Variants in DSCAM observed in about 807,000 individuals in gnomAD.
DSCAM encodes DS cell adhesion molecule.
DSCAM carries 47 observed loss-of-function variants against 217.7 expected under a neutral mutation model. The ratio of observed to expected loss-of-function variants is 0.22; its 90% CI spans 0.17 to 0.28. DSCAM has a LOEUF of 0.28. Among genes scored for constraint, DSCAM ranks in the 10% least tolerant of loss-of-function variants. The pLI, the probability that DSCAM is intolerant of heterozygous loss-of-function variation, is 1.00. For missense variants in DSCAM, 2,080 were observed against 2,618.3 expected (o/e 0.79, Z 4.49); for synonymous variants, 1,056 against 1,015.3 (o/e 1.04, Z -0.76).
intron 16 of DSCAM, 86 bp downstream of exon 16, chr21:40,167,132 G>T (rs2090603827): frequency 1.7e-6 from 2 of 1,178,806 alleles, no homozygotes; most frequent in Admixed American, 4.8e-5. Context: ...TAAAATTCGA[G>T]AGTCTTGGTG....
chr21:40,725,964 C>T (rs551345725), intron 1 of DSCAM, among the ~76,000 whole-genome samples: 69 of 152,198 alleles, frequency 4.5e-4, no homozygotes, highest in African/African-American at 1.6e-3. Context: ...AGGTTGCAAA[C>T]TCAGAAAGAA....
intron 16 of DSCAM, among the ~76,000 whole-genome samples, chr21:40,163,490 G>A (rs1187145730): frequency 3.9e-5 from 6 of 152,038 alleles, no homozygotes; most frequent in Non-Finnish European, 7.4e-5. Context: ...TTGGATTTCT[G>A]TCAAGGCATG....
At chr21:40,274,916 TACAC>T (rs1375392686) in intron 11 of DSCAM, among the ~76,000 whole-genome samples, 1 of 152,178 alleles carries the variant, frequency 6.6e-6, no homozygotes, top group African/African-American at 2.4e-5. Flanking sequence ...TTCAATATCA[TACAC>T]ACACAAATAC....
At chr21:40,199,045 C>G (rs2091044054) in intron 11 of DSCAM, among the ~76,000 whole-genome samples, 1 of 152,106 alleles carries the variant, frequency 6.6e-6, no homozygotes, top group Admixed American at 6.6e-5. Flanking sequence ...GAGGAGAGGG[C>G]AGTCTCTTGG....
intron 9 of DSCAM, among the ~76,000 whole-genome samples, chr21:40,304,940 G>A (rs924368991): frequency 7.2e-5 from 11 of 152,084 alleles, no homozygotes; most frequent in African/African-American, 2.7e-4. Context: ...TAATAATAAT[G>A]ATAAAGTTTC....
intron 3 of DSCAM, among the ~76,000 whole-genome samples, chr21:40,425,655 C>G (rs1286265921): frequency 8.0e-6 from 1 of 124,422 alleles, no homozygotes; most frequent in African/African-American, 3.1e-5. Flanking sequence ...CAACAAAGAG[C>G]GAAACTCGGT....
chr21:40,535,225 C>T (rs561943358), intron 3 of DSCAM, among the ~76,000 whole-genome samples: 2 of 152,304 alleles, frequency 1.3e-5, no homozygotes, highest in East Asian at 3.9e-4. Context: ...AGTCTTAGAA[C>T]AGTGCTTCAT....
intron 3 of DSCAM, among the ~76,000 whole-genome samples, chr21:40,658,738 A>G (rs2090103145): frequency 6.6e-6 from 1 of 152,182 alleles, no homozygotes; most frequent in Non-Finnish European, 1.5e-5. Flanking sequence ...AAGAAAAATA[A>G]AAACAGATCA....
chr21:40,019,274 C>A (rs2088220148), intron 32 of DSCAM, among the ~76,000 whole-genome samples: 1 of 152,190 alleles, frequency 6.6e-6, no homozygotes. Flanking sequence ...GCACAGCATT[C>A]CCCAGTGCCC....
chr21:40,504,239 G>A (rs2076193042), intron 3 of DSCAM, among the ~76,000 whole-genome samples: 1 of 152,164 alleles, frequency 6.6e-6, no homozygotes, highest in African/African-American at 2.4e-5. Flanking sequence ...AGAGGAGGAA[G>A]AGGATTTGTT....
chr21:40,464,163 T>C (rs2075826376), intron 3 of DSCAM, among the ~76,000 whole-genome samples: 1 of 152,220 alleles, frequency 6.6e-6, no homozygotes, highest in South Asian at 2.1e-4. Context: ...GCAGCCTGAC[T>C]GCTTCCTTCA....
chr21:40,479,359 CTA>C (rs1266508386), intron 3 of DSCAM, among the ~76,000 whole-genome samples: 15 of 152,168 alleles, frequency 9.9e-5, no homozygotes, highest in Non-Finnish European at 1.9e-4. Flanking sequence ...ATCTGCTCAT[CTA>C]TGTTTTCTGA....
At chr21:40,805,322 T>G (rs936501213) in intron 1 of DSCAM, among the ~76,000 whole-genome samples, 14 of 152,212 alleles carry the variant, frequency 9.2e-5, no homozygotes, top group Non-Finnish European at 1.5e-4. Context: ...TCCTTCTGTT[T>G]GTTCATTCCC....
chr21:40,225,591 C>T (rs1006335641), intron 11 of DSCAM, among the ~76,000 whole-genome samples: 8 of 152,072 alleles, frequency 5.3e-5, no homozygotes. Flanking sequence ...ATCCCTCATC[C>T]AGGAGGTTGA....
At chr21:40,303,829 A>G (rs1465157088) in intron 9 of DSCAM, among the ~76,000 whole-genome samples, 1 of 152,148 alleles carries the variant, frequency 6.6e-6, no homozygotes, top group South Asian at 2.1e-4. Context: ...TTGTTTCTCT[A>G]TGTGGCAGTT....
At chr21:40,418,703 G>A (rs2075394895) in intron 3 of DSCAM, among the ~76,000 whole-genome samples, 1 of 152,198 alleles carries the variant, frequency 6.6e-6, no homozygotes, top group African/African-American at 2.4e-5. Flanking sequence ...CTGCTAAAAT[G>A]AGGGGATAGG....
intron 3 of DSCAM, among the ~76,000 whole-genome samples, chr21:40,512,947 T>A (rs570610131): frequency 6.6e-6 from 1 of 152,352 alleles, no homozygotes; most frequent in Non-Finnish European, 1.5e-5. Context: ...TTGCCCAGGC[T>A]GGAGTGCAAT....
intron 1 of DSCAM, among the ~76,000 whole-genome samples, chr21:40,731,739 C>A (rs35074955): frequency 8.0e-6 from 1 of 124,380 alleles, no homozygotes; most frequent in African/African-American, 3.1e-5. Flanking sequence ...CCCCCCCCCC[C>A]GCCCCCCGGG....
chr21:40,584,417 T>C (rs13052835), intron 3 of DSCAM, among the ~76,000 whole-genome samples: 2 of 152,106 alleles, frequency 1.3e-5, no homozygotes, highest in South Asian at 2.1e-4. Flanking sequence ...AGGATTGAGA[T>C]CAACTTTCAT....
Sources: gnomAD v4.1 joint callset for allele counts (sites outside exome capture counted in the v4.1 genomes callset) on GRCh38, gnomAD v4.1.1 for gene constraint, MANE v1.5 for transcripts, NCBI Gene and HGNC (gene_info 2026-07-23, HGNC 2026-07-21) for gene names.